Variants in PI4KA observed in about 807,000 individuals in gnomAD.
PI4KA encodes the protein phosphatidylinositol 4-kinase alpha.
PI4KA carries 122 observed loss-of-function variants against 271.4 expected under a neutral mutation model. That is an observed-to-expected ratio of 0.45 (90% CI 0.39 to 0.52). PI4KA has a LOEUF of 0.52. PI4KA is among the 20% of genes least tolerant of loss of function. The probability of loss-of-function intolerance (pLI) is 0.00; values close to 1 mark genes in which losing one functional copy is unlikely to be tolerated. For missense variants in PI4KA, 1,969 were observed against 2,769.1 expected, an observed-to-expected ratio of 0.71 and a Z score of 6.48; for synonymous variants, 1,041 against 1,078.8, an observed-to-expected ratio of 0.96 and a Z score of 0.69.
chr22:20,731,206 T>C (rs1928006834), intron 36 of PI4KA, among the ~76,000 whole-genome samples: 1 of 152,088 alleles, frequency 6.6e-6, no homozygotes, highest in Non-Finnish European at 1.5e-5. Context: ...TAAAATAGAA[T>C]AAAACAAATA....
intron 1 of PI4KA, among the ~76,000 whole-genome samples, chr22:20,842,437 T>G (rs900796997): frequency 2.0e-5 from 3 of 152,212 alleles, no homozygotes. Context: ...AGGAAACTAA[T>G]GTAATTGGTC....
intron 30 of PI4KA, 60 bp from the exon 31 acceptor site, chr22:20,742,824 T>C (rs1929625611): frequency 3.2e-6 from 5 of 1,549,436 alleles, no homozygotes; most frequent in Admixed American, 3.4e-5. Context: ...GGTAAGGTTC[T>C]GGAAGCCACC....
intron 19 of PI4KA, chr22:20,784,199 C>A (rs142898872): frequency 6.2e-7 from 1 of 1,614,214 alleles, no homozygotes; most frequent in Non-Finnish European, 8.5e-7. Context: ...CGAAGCGCAA[C>A]TGACACCCCG....
At position 20,798,597 on chromosome 22, in the gene PI4KA, C is replaced by T. The variant is rs757334194; in HGVS notation, c.2095G>A (p.Asp699Asn). 2 of 1,607,024 alleles carry T rather than the reference C, an allele frequency of 1.2e-6. No homozygotes were observed. The highest frequency in any genetic ancestry group is 1.7e-6 in the Non-Finnish European group (2 of 1,173,500). ...AGGTCCAGTTACCTATAGCCGTGGT[C>T]CTTGTAATCTTTGGTGGCTGAGTAT... ...VVYSATKDYKDHGYRHCSLAV... is the reference protein window; with the variant it reads ...VVYSATKDYKNHGYRHCSLAV... Residue 699 changes from aspartate to asparagine, a missense_variant, in exon 17 of 55, where the codon GAC (aspartate) becomes AAC (asparagine). Transcript: ENST00000255882.
At chr22:20,796,057 T>C in intron 18 of PI4KA, 89 bp downstream of exon 18, 15 of 1,235,712 alleles carry the variant, frequency 1.2e-5, no homozygotes, top group Non-Finnish European at 1.5e-5. Flanking sequence ...GAAAGTGCCA[T>C]ATTCCAACCA....
Position 20,754,008 on chromosome 22 carries a change from C to T in PI4KA, c.2792-828G>A, listed in dbSNP as rs759547928. ...GCCTGGATGTGCTCTTTCTGCATCA[C>T]GTAAGTGGTATGTGATAACAGTATC... On this transcript the variant is annotated intron_variant, in intron 23 of 54. Coordinates refer to ENST00000255882, the MANE Select transcript of PI4KA (RefSeq NM_058004.4). Among the ~76,000 whole-genome samples the T allele has an allele frequency of 8.6e-5, 13 of 151,666 alleles. No individual in the cohort carries two copies. In the East Asian group the frequency reaches 1.8e-3, roughly 21 times the overall value.
intron 32 of PI4KA, among the ~76,000 whole-genome samples, chr22:20,735,922 C>T (rs1049617498): frequency 3.9e-5 from 6 of 152,234 alleles, no homozygotes; most frequent in African/African-American, 9.6e-5. Context: ...GAGACACACT[C>T]CCACCTATTT....
chr22:20,795,536 A>T (rs897384564), intron 18 of PI4KA, among the ~76,000 whole-genome samples: 11 of 152,218 alleles, frequency 7.2e-5, no homozygotes, highest in African/African-American at 2.7e-4. Context: ...AAATTGCTTT[A>T]CTAAAACTCT....
Position 20,783,544 on chromosome 22 carries a change from G to A in PI4KA, c.2328+9649C>T, listed in dbSNP as rs185765434. ...AGGCAGGAGGATTCCTTGAGCCTGGGAGTGTGAGGCTGCAGTGAGCTATGA... is the reference window on the plus strand; with the variant it reads ...AGGCAGGAGGATTCCTTGAGCCTGGAAGTGTGAGGCTGCAGTGAGCTATGA... On this transcript the variant is annotated intron_variant, in intron 19 of 54. Coordinates refer to ENST00000255882, the MANE Select transcript of PI4KA (RefSeq NM_058004.4). Among the ~76,000 whole-genome samples the A allele has an allele frequency of 3.5e-3, 535 of 152,244 alleles. 2 individuals carry two copies. The highest frequency in any genetic ancestry group is 6.8e-3 in the Middle Eastern group (2 of 294).
intron 19 of PI4KA, among the ~76,000 whole-genome samples, chr22:20,782,848 G>A (rs1018847703): frequency 6.6e-6 from 1 of 152,180 alleles, no homozygotes; most frequent in African/African-American, 2.4e-5. Context: ...CCCTGGGTGA[G>A]GCAGACTCAG....
chr22:20,710,001 G>A lies in PI4KA; in HGVS notation c.6084-4C>T. The A allele has an allele frequency of 6.2e-7, 1 of 1,605,048 alleles. No individual in the cohort carries two copies. Among genetic ancestry groups the A allele is most frequent in the South Asian group, 1.1e-5 (1 of 90,902 alleles). ...GACGACCGCGTCCATGTAGGGCCTG[G>A]GGAGAGATAGGAGGGAGCGGTGGGC... On this transcript the variant is annotated splice_polypyrimidine_tract_variant and splice_region_variant and intron_variant, in intron 52 of 54. Coordinates refer to ENST00000255882, the MANE Select transcript of PI4KA (RefSeq NM_058004.4).
chr22:20,791,093 T>C (rs1396742807), intron 19 of PI4KA, among the ~76,000 whole-genome samples: 1 of 152,156 alleles, frequency 6.6e-6, no homozygotes, highest in Non-Finnish European at 1.5e-5. Flanking sequence ...ATTTGTGTAA[T>C]TTCAACCAAC....
chr22:20,812,760 T>A (rs1053553091), intron 8 of PI4KA, among the ~76,000 whole-genome samples: 3 of 152,218 alleles, frequency 2.0e-5, no homozygotes, highest in African/African-American at 7.2e-5. Flanking sequence ...TTCACCATGT[T>A]GGCCAGGCTA....
intron 3 of PI4KA, among the ~76,000 whole-genome samples, chr22:20,825,141 T>C (rs1398344908): frequency 6.6e-6 from 1 of 150,998 alleles, no homozygotes; most frequent in Non-Finnish European, 1.5e-5. Context: ...CACTATTTAA[T>C]AGCTATATTC....
chr22:20,850,390 G>A (rs772496305), intron 1 of PI4KA, among the ~76,000 whole-genome samples: 13 of 151,854 alleles, frequency 8.6e-5, no homozygotes, highest in Non-Finnish European at 2.9e-5. Flanking sequence ...TGACTGTGGT[G>A]GCGCATGCTA....
intron 23 of PI4KA, among the ~76,000 whole-genome samples, chr22:20,759,765 C>T (rs887228790): frequency 7.9e-5 from 12 of 152,186 alleles, no homozygotes; most frequent in Admixed American, 3.9e-4. Flanking sequence ...CAGGGTTTCA[C>T]CGTGTTAGCC....
intron 30 of PI4KA, among the ~76,000 whole-genome samples, chr22:20,744,040 C>T (rs762696610): frequency 1.3e-5 from 2 of 152,036 alleles, no homozygotes; most frequent in African/African-American, 2.4e-5. Flanking sequence ...GGCAACAGAA[C>T]GAGACTCTGT....
intron 1 of PI4KA, among the ~76,000 whole-genome samples, chr22:20,858,127 T>A (rs1273725878): frequency 6.6e-6 from 1 of 152,186 alleles, no homozygotes; most frequent in Non-Finnish European, 1.5e-5. Flanking sequence ...GATAAAAGCA[T>A]CCCCATTTTA....
chr22:20,748,251 G>A (rs1226843147), intron 28 of PI4KA, among the ~76,000 whole-genome samples: 6 of 152,230 alleles, frequency 3.9e-5, no homozygotes, highest in African/African-American at 7.2e-5. Context: ...GTGTTGCACC[G>A]TCAATGGGAG....
Sources: gnomAD v4.1 joint callset for allele counts (sites outside exome capture counted in the v4.1 genomes callset) on GRCh38, gnomAD v4.1.1 for gene constraint, MANE v1.5 for transcripts, NCBI Gene and HGNC (gene_info 2026-07-23, HGNC 2026-07-21) for gene names.